Variants in TP73 observed in about 807,000 individuals in gnomAD.
TP73 encodes the protein p53-like transcription factor.
In TP73, 25 loss-of-function variants were observed where a neutral mutation model predicts 62.5. The observed-to-expected ratio is 0.40, with a 90% CI of 0.29 to 0.56. TP73 has a LOEUF of 0.56. TP73 is among the 20% of genes least tolerant of loss of function. The pLI is 0.46. For missense variants in TP73, 754 were observed against 913.3 expected, an observed-to-expected ratio of 0.83 and a Z score of 2.25; for synonymous variants, 423 against 377.5, an observed-to-expected ratio of 1.12 and a Z score of -1.40.
chr1:3,678,449 G>A (rs779010830), intron 1 of TP73, among the ~76,000 whole-genome samples: 3 of 152,220 alleles, frequency 2.0e-5, no homozygotes, highest in African/African-American at 4.8e-5. Context: ...GTGTGAGGCC[G>A]GTTGGGGGAG....
intron 1 of TP73, among the ~76,000 whole-genome samples, chr1:3,676,619 G>A (rs939923775): frequency 6.6e-6 from 1 of 152,116 alleles, no homozygotes; most frequent in East Asian, 1.9e-4. Context: ...TCCCCACAGG[G>A]CAGAGGGGAG....
Position 3,708,089 on chromosome 1 carries a change from A to G in TP73, c.429+298A>G, listed in dbSNP as rs370304736. The G allele has an allele frequency of 6.1e-6, 3 of 487,934 alleles. No homozygotes were observed. The East Asian group carries it at 1.1e-4, about 18-fold the overall frequency. The allele number at this position is 487,934 out of a possible 1,614,324, so 30.2% of individuals were successfully genotyped here. On this transcript the variant is annotated intron_variant, in intron 4 of 13. Transcript: ENST00000378295. ...GCCAAGACTGGCCAGCGGCTTCCCC[A>G]TGCTCAGGTGGGATCTTTGGTTTGA...
chr1:3,661,736 AT>A (rs1367902643), intron 1 of TP73, among the ~76,000 whole-genome samples: 34 of 146,840 alleles, frequency 2.3e-4, no homozygotes, highest in African/African-American at 8.0e-4. Context: ...ATATATATAT[AT>A]ATAATATGTA....
At chr1:3,702,881 GC>G (rs745794094) in intron 3 of TP73, among the ~76,000 whole-genome samples, 43 of 152,366 alleles carry the variant, frequency 2.8e-4, no homozygotes, top group Non-Finnish European at 5.4e-4. Flanking sequence ...GCTTCCGGGG[GC>G]CCTCTGGTTG....
At chr1:3,723,021 CG>C (rs773369422) in intron 5 of TP73, among the ~76,000 whole-genome samples, 3 of 131,582 alleles carry the variant, frequency 2.3e-5, no homozygotes, top group Non-Finnish European at 4.9e-5. Context: ...CACCTGACAC[CG>C]GGGTGGGCAC....
intron 1 of TP73, among the ~76,000 whole-genome samples, chr1:3,675,852 A>C (rs1184714991): frequency 1.3e-5 from 2 of 152,124 alleles, no homozygotes; most frequent in Non-Finnish European, 2.9e-5. Flanking sequence ...CTGTGGGCCC[A>C]TGGCCAAGGA....
At chr1:3,682,989 T>C in intron 2 of TP73, 71 bp from the exon 3 acceptor site, 2 of 1,538,960 alleles carry the variant, frequency 1.3e-6, no homozygotes, top group Non-Finnish European at 1.8e-6. Flanking sequence ...CCTTGAGCTC[T>C]GGGCCTGGGA....
At chr1:3,723,806 A>G (rs775342111) in intron 6 of TP73, among the ~76,000 whole-genome samples, 3 of 152,188 alleles carry the variant, frequency 2.0e-5, no homozygotes, top group African/African-American at 4.8e-5. Context: ...TCCCAGACAC[A>G]GGGATTTGGG....
chr1:3,722,228 T>C, intron 5 of TP73, 21 bp downstream of exon 5: 1 of 1,611,622 alleles, frequency 6.2e-7, no homozygotes, highest in Non-Finnish European at 8.5e-7. Context: ...CCAGCTCCTC[T>C]GCCCACGGTG....
intron 4 of TP73, among the ~76,000 whole-genome samples, chr1:3,709,364 C>T (rs568118243): frequency 6.6e-6 from 1 of 152,326 alleles, no homozygotes; most frequent in South Asian, 2.1e-4. Flanking sequence ...GCTAACACCC[C>T]GTTTTCTCCA....
chr1:3,715,005 C>A (rs931872637), intron 4 of TP73, among the ~76,000 whole-genome samples: 1 of 152,218 alleles, frequency 6.6e-6, no homozygotes, highest in Admixed American at 6.5e-5. Flanking sequence ...ATCAGGACAG[C>A]GGCGACCGGG....
chr1:3,672,858 C>T lies in TP73; in HGVS notation c.-33-9475C>T, dbSNP rs1002975438. ...CCTTCCACCCCTTTCTTAGAGGAAG[C>T]TCAGCCCATCAGGCCGCTCATGCTT... is the stretch of plus-strand genomic sequence containing the variant. On this transcript the variant is annotated intron_variant, in intron 1 of 13. Coordinates refer to ENST00000378295, the MANE Select transcript of TP73 (RefSeq NM_005427.4). The surrounding 1 kb of genome is among the most constrained non-coding windows in gnomAD (Gnocchi z 5.3). 1.3e-5 allele frequency among the ~76,000 whole-genome samples: 2 copies of T among 152,084 alleles called. No homozygotes were observed. The highest frequency in any genetic ancestry group is 2.4e-5 in the African/African-American group (1 of 41,392).
intron 3 of TP73, among the ~76,000 whole-genome samples, chr1:3,683,545 G>T (rs1383858320): frequency 6.6e-6 from 1 of 152,166 alleles, no homozygotes; most frequent in Admixed American, 6.5e-5. Flanking sequence ...TATAGAAAGG[G>T]CTTTGGGCAT....
At position 3,731,547 on chromosome 1, in the gene TP73, G is replaced by A. The variant is rs1187166033; in HGVS notation, c.1569G>A (p.Leu523=). The part of the protein sequence containing the change: ...GLQSIYHLQN[L]TIEDLGALKI... Reference sequence around the variant, plus strand: ...AGAGCATTTACCACCTGCAGAACCTGACCATTGAGGTAACGCCCGGGTGGA... The same window carrying A: ...AGAGCATTTACCACCTGCAGAACCTAACCATTGAGGTAACGCCCGGGTGGA... The change falls in exon 13 of 14, where the codon CTG becomes CTA. Residue 523 remains leucine, a synonymous_variant. Transcript: ENST00000378295. 1.2e-6 allele frequency: 2 copies of A among 1,613,810 alleles called. No homozygotes were observed. The highest frequency in any genetic ancestry group is 3.3e-5 in the Admixed American group (2 of 60,030).
intron 4 of TP73, among the ~76,000 whole-genome samples, chr1:3,708,846 G>A (rs1202167034): frequency 1.3e-5 from 2 of 152,182 alleles, no homozygotes; most frequent in African/African-American, 2.4e-5. Flanking sequence ...ATGTTGGTCC[G>A]GCCCACTGGG....
intron 1 of TP73, among the ~76,000 whole-genome samples, chr1:3,679,057 G>C (rs1031789368): frequency 6.6e-6 from 1 of 152,232 alleles, no homozygotes; most frequent in Non-Finnish European, 1.5e-5. Flanking sequence ...CCTGTGCCCA[G>C]GCAGGGATGA....
At chr1:3,714,459 G>T (rs1640424126) in intron 4 of TP73, among the ~76,000 whole-genome samples, 1 of 152,226 alleles carries the variant, frequency 6.6e-6, no homozygotes, top group Non-Finnish European at 1.5e-5. Context: ...GGTGAGGATG[G>T]TGGGGGCAAG....
chr1:3,669,281 G>T (rs929291219), intron 1 of TP73, among the ~76,000 whole-genome samples: 4 of 152,178 alleles, frequency 2.6e-5, no homozygotes, highest in Non-Finnish European at 4.4e-5. Context: ...GCCCCTCTAC[G>T]GCCTCCCAGG....
chr1:3,729,281 TG>T (rs779539273), intron 9 of TP73, 45 bp from the exon 10 acceptor site: 2 of 1,610,484 alleles, frequency 1.2e-6, no homozygotes, highest in Non-Finnish European at 8.5e-7. Flanking sequence ...CCCCCTCCCG[TG>T]GGGGTCTGGG....
Sources: allele counts gnomAD v4.1 joint callset (sites outside exome capture counted in the v4.1 genomes callset), GRCh38; gene constraint gnomAD v4.1.1; non-coding constraint Gnocchi (gnomAD v3.1); transcripts MANE v1.5; gene names NCBI Gene and HGNC (gene_info 2026-07-23, HGNC 2026-07-21).